Variants in LDHC observed in about 807,000 individuals in gnomAD.
LDHC encodes the protein L-lactate dehydrogenase C chain.
Under a neutral mutation model 30.2 loss-of-function variants are expected in LDHC, and 20 were observed. That is an observed-to-expected ratio of 0.66 (90% confidence interval 0.47 to 0.96). LDHC has a LOEUF of 0.96. Among genes scored for constraint, LDHC ranks in the 40% least tolerant of loss-of-function variants. The probability of loss-of-function intolerance (pLI) is 0.00; values close to 1 mark genes in which losing one functional copy is unlikely to be tolerated. For missense variants in LDHC, 362 were observed against 394.9 expected, an observed-to-expected ratio of 0.92 and a Z score of 0.71; for synonymous variants, 139 against 132.7, an observed-to-expected ratio of 1.05 and a Z score of -0.32.
At chr11:18,419,156 C>T (rs1268290064) in intron 3 of LDHC, among the ~76,000 whole-genome samples, 1 of 152,156 alleles carries the variant, frequency 6.6e-6, no homozygotes, top group African/African-American at 2.4e-5. Context: ...ATATTTTAGG[C>T]TTTTCCAGCT....
At chr11:18,441,210 C>A (rs1009709947) in intron 6 of LDHC, among the ~76,000 whole-genome samples, 11 of 151,990 alleles carry the variant, frequency 7.2e-5, no homozygotes, top group Middle Eastern at 6.8e-3. Context: ...GTCCGACTCA[C>A]AGGACATAAT....
chr11:18,422,566 A>AG (rs1283910028), intron 3 of LDHC, among the ~76,000 whole-genome samples: 1 of 151,434 alleles, frequency 6.6e-6, no homozygotes, highest in Non-Finnish European at 1.5e-5. Flanking sequence ...AAAAAAAAAA[A>AG]AATCCATTGT....
At chr11:18,435,019 A>C (rs1044941244) in intron 5 of LDHC, 106 bp downstream of exon 5, 2 of 701,022 alleles carry the variant, frequency 2.9e-6, no homozygotes, top group Non-Finnish European at 4.5e-6. Context: ...TATAAGTTTA[A>C]TTTTTTTGGT....
chr11:18,417,849 C>G (rs1282608006), intron 3 of LDHC, among the ~76,000 whole-genome samples: 1 of 152,046 alleles, frequency 6.6e-6, no homozygotes, highest in African/African-American at 2.4e-5. Flanking sequence ...AGGAGGGTCG[C>G]ATGAGGCCAG....
chr11:18,450,942 A>G (rs1349217657), intron 7 of LDHC, 21 bp from the exon 8 acceptor site: 1 of 1,547,506 alleles, frequency 6.5e-7, no homozygotes, highest in East Asian at 2.3e-5. Flanking sequence ...TATTTGAACA[A>G]TATCTTATCT....
intron 7 of LDHC, among the ~76,000 whole-genome samples, chr11:18,449,162 A>G (rs993890035): frequency 2.6e-5 from 4 of 152,124 alleles, no homozygotes; most frequent in African/African-American, 4.8e-5. Flanking sequence ...GATTACACCC[A>G]TGGAAGCTCA....
At position 18,418,424 on chromosome 11, in the gene LDHC, C is replaced by CTATTTTATTT. The variant is rs200315628; in HGVS notation, c.244+3135_244+3144dup. Among the ~76,000 whole-genome samples, 2 of 150,250 alleles carry CTATTTTATTT rather than the reference C, an allele frequency of 1.3e-5. 1 individual carries two copies. Among genetic ancestry groups the CTATTTTATTT allele is most frequent in the African/African-American group, 4.9e-5 (2 of 40,714 alleles). On this transcript the variant is annotated intron_variant, in intron 3 of 7. Coordinates refer to ENST00000541669, the MANE Select transcript of LDHC (RefSeq NM_017448.5). The stretch of plus-strand genomic sequence containing the variant: ...ATGGAGTCAAATTAAAAGAGTATTA[C>CTATTTTATTT]TATTTTATTTTATTTTATTTTTTGA...
Position 18,436,516 on chromosome 11 carries a change from C to T in LDHC, c.592+1603C>T, listed in dbSNP as rs1045948154. Among the ~76,000 whole-genome samples, 127 of 87,584 alleles carry T rather than the reference C, an allele frequency of 1.5e-3. 1 individual carries two copies. Among genetic ancestry groups the T allele is most frequent in the African/African-American group, 4.7e-3 (111 of 23,616 alleles). The allele number at this position is 87,584 out of a possible 152,430, so 57.5% of individuals were successfully genotyped here. A position where few individuals can be genotyped will look rare whatever the true frequency, so the allele number is the denominator to read the frequency against. On this transcript the variant is annotated intron_variant, in intron 5 of 7. Transcript: ENST00000541669. ...TTTTTTTTTTTTTGAGACAGAGTTT[C>T]GCTCTTGTTGCCCAGGCTGGAGTGC...
In LDHC at chr11:18,438,583, TA is replaced by T; in HGVS notation, c.651del (p.Lys217AsnfsTer2). 1 of 1,613,546 alleles carries T rather than the reference TA, an allele frequency of 6.2e-7. No homozygotes were observed. The highest frequency in any genetic ancestry group is 2.2e-5 in the East Asian group (1 of 44,864). ...GTGTTGCTCTGAAGACTCTGGACCC[TA>T]AATTAGGAACGGATTCAGATAAGGA... ...AGVALKTLDPKLGTDSDKEHW... is the reference protein window; with the variant it reads ...AGVALKTLDPXLGTDSDKEHW... On this transcript the variant is annotated frameshift_variant, in exon 6 of 8. Coordinates refer to ENST00000541669, the MANE Select transcript of LDHC (RefSeq NM_017448.5). LOFTEE classifies it high-confidence loss of function.
chr11:18,446,374 A>C (rs1248898243), intron 7 of LDHC, 41 bp downstream of exon 7: 1 of 1,413,442 alleles, frequency 7.1e-7, no homozygotes, highest in Admixed American at 1.7e-5. Flanking sequence ...TCTTTCCTTT[A>C]ATATTTATTG....
intron 3 of LDHC, among the ~76,000 whole-genome samples, chr11:18,420,664 A>C (rs1867106863): frequency 4.0e-5 from 6 of 150,926 alleles, no homozygotes; most frequent in African/African-American, 1.2e-4. Flanking sequence ...AAAAAAAAAA[A>C]AGGAGAGTGA....
chr11:18,451,135 C>G lies in LDHC; in HGVS notation c.*8C>G, dbSNP rs745791346. 6.1e-6 allele frequency: 9 copies of G among 1,468,006 alleles called. No individual in the cohort carries two copies. The highest frequency in any genetic ancestry group is 8.1e-6 in the Non-Finnish European group (9 of 1,105,708). The allele number at this position is 1,468,006 out of a possible 1,614,324, so 90.9% of individuals were successfully genotyped here. On this transcript the variant is annotated 3_prime_UTR_variant, in exon 8 of 8. Transcript: ENST00000541669. ...AAGGATCTAATATTTTAAATTAAAG[C>G]CTTCTAATGTTCCACTGTTTGGAGA...
chr11:18,434,369 G>C (rs1273892044), intron 4 of LDHC, among the ~76,000 whole-genome samples: 6 of 152,018 alleles, frequency 3.9e-5, no homozygotes, highest in Admixed American at 2.0e-4. Context: ...GTGATTTTTG[G>C]GGGGTGTTGA....
chr11:18,442,898 G>A (rs1848491914), intron 6 of LDHC, among the ~76,000 whole-genome samples: 1 of 151,810 alleles, frequency 6.6e-6, no homozygotes, highest in Non-Finnish European at 1.5e-5. Flanking sequence ...CCTGACCTCA[G>A]GTGATCTGCC....
At chr11:18,431,387 G>A (rs1316128574) in intron 4 of LDHC, among the ~76,000 whole-genome samples, 2 of 152,060 alleles carry the variant, frequency 1.3e-5, no homozygotes, top group African/African-American at 4.8e-5. Context: ...ACTTGAACCT[G>A]GGAAGTGGAG....
rs1226674005 is a variant in LDHC, at chr11:18,447,072, G to T, written c.834+739G>T. On this transcript the variant is annotated intron_variant, in intron 7 of 7. Transcript: ENST00000541669. ...GGAGGGGCAGGAGTTAACAAAAAGA[G>T]AATGTGTACTGATGCATGTAGATTT... Among the ~76,000 whole-genome samples the T allele has an allele frequency of 3.3e-5, 5 of 151,996 alleles. No individual in the cohort carries two copies. The East Asian group carries it at 7.7e-4, about 23-fold the overall frequency.
At chr11:18,434,217 A>ATTTTTTTTTTTTTTTTTTTTTTTTTTTT (rs60806253) in intron 4 of LDHC, among the ~76,000 whole-genome samples, 1 of 146,078 alleles carries the variant, frequency 6.8e-6, no homozygotes, top group Non-Finnish European at 1.5e-5. Context: ...TTCTTGTATC[A>ATTTTTTTTTTTTTTTTTTTTTTTTTTTT]TTTTTTTTTT....
At chr11:18,413,360 G>A (rs1176567445) in intron 2 of LDHC, among the ~76,000 whole-genome samples, 2 of 151,966 alleles carry the variant, frequency 1.3e-5, no homozygotes, top group Non-Finnish European at 2.9e-5. Flanking sequence ...TGGGATTACA[G>A]GCATGAGCCA....
intron 2 of LDHC, 146 bp from the exon 3 acceptor site, chr11:18,415,038 C>T: frequency 1.9e-6 from 1 of 514,878 alleles, no homozygotes; most frequent in South Asian, 3.4e-5. Context: ...TTCGGTCACC[C>T]AGGCTCATTG....
Sources: allele counts gnomAD v4.1 joint callset (sites outside exome capture counted in the v4.1 genomes callset), GRCh38; gene constraint gnomAD v4.1.1; transcripts MANE v1.5; gene names NCBI Gene and HGNC (gene_info 2026-07-23, HGNC 2026-07-21).